The following KAZN variants were observed in gnomAD, a reference collection of about 807,000 sequenced individuals.
KAZN encodes kazrin, periplakin interacting protein, also known as kazrin.
KAZN carries 40 observed loss-of-function variants against 87.4 expected under a neutral mutation model. The ratio of observed to expected loss-of-function variants is 0.46; its 90% confidence interval spans 0.36 to 0.60. The LOEUF (loss-of-function observed/expected upper bound fraction) is 0.60. Among genes scored for constraint, KAZN ranks in the 20% least tolerant of loss-of-function variants. The pLI, the probability that KAZN is intolerant of heterozygous loss-of-function variation, is 0.00. For missense variants in KAZN, 898 were observed against 1,073.9 expected (o/e 0.84, Z 2.29); for synonymous variants, 466 against 458.3 (o/e 1.02, Z -0.22).
chr1:14,643,034 C>T (rs537988978), intron 1 of KAZN, among the ~76,000 whole-genome samples: 120 of 152,322 alleles, frequency 7.9e-4, no homozygotes, highest in Non-Finnish European at 1.3e-4. Context: ...CCCCTGTGTT[C>T]ACACAACAAC....
chr1:14,001,070 C>T lies in KAZN; in HGVS notation c.91+107314C>T, dbSNP rs145612169. On this transcript the variant is annotated intron_variant, in intron 1 of 16. Coordinates refer to the KAZN transcript ENST00000636203. ...GTGCTGGGATTACAGGCGTGAGCCACCACGCCCGGCCGACATGATTTTATA... is the reference window on the plus strand; with the variant it reads ...GTGCTGGGATTACAGGCGTGAGCCATCACGCCCGGCCGACATGATTTTATA... Among the ~76,000 whole-genome samples, 826 of 152,286 alleles carry T rather than the reference C, an allele frequency of 5.4e-3. 9 individuals are homozygous for T. Among genetic ancestry groups the T allele is most frequent in the African/African-American group, 0.019 (792 of 41,560 alleles).
intron 8 of KAZN, among the ~76,000 whole-genome samples, chr1:15,072,933 T>C (rs902776596): frequency 2.0e-5 from 3 of 152,204 alleles, no homozygotes; most frequent in Non-Finnish European, 2.9e-5. Flanking sequence ...GCCAGCTTTT[T>C]AGGATTCAAC....
At chr1:14,158,113 A>C (rs1645635170) in intron 1 of KAZN, among the ~76,000 whole-genome samples, 1 of 152,132 alleles carries the variant, frequency 6.6e-6, no homozygotes, top group African/African-American at 2.4e-5. Context: ...GGTATTCTAT[A>C]ACCTTCTTGT....
intron 2 of KAZN, among the ~76,000 whole-genome samples, chr1:14,982,792 G>C (rs1203675060): frequency 6.6e-6 from 1 of 152,216 alleles, no homozygotes; most frequent in Non-Finnish European, 1.5e-5. Flanking sequence ...GGTGTTGTCA[G>C]GGAAGACCAG....
In KAZN at chr1:15,095,539, G is replaced by C. The variant is rs1184878949; in HGVS notation, c.1547+606G>C. On this transcript the variant is annotated intron_variant, in intron 10 of 14. Coordinates refer to ENST00000376030, the MANE Select transcript of KAZN (RefSeq NM_201628.3). ...CCTCCGGCCTGCCTGCCTCTCTCCTGGCTTTCTGTGAGCAAAATTTGTTGA... is the reference window on the plus strand; with the variant it reads ...CCTCCGGCCTGCCTGCCTCTCTCCTCGCTTTCTGTGAGCAAAATTTGTTGA... Among the ~76,000 whole-genome samples the C allele has an allele frequency of 4.7e-5, 7 of 149,904 alleles. No homozygotes were observed. In the East Asian group the frequency reaches 1.4e-3, roughly 29 times the overall value.
At chr1:14,128,609 G>A (rs1644924862) in intron 1 of KAZN, among the ~76,000 whole-genome samples, 1 of 152,016 alleles carries the variant, frequency 6.6e-6, no homozygotes, top group African/African-American at 2.4e-5. Context: ...CAATCATATT[G>A]GATTAGGGAT....
rs560404887 is a variant in KAZN at position 14,773,796 on chromosome 1, C to T, written c.226+174573C>T. 4.6e-5 allele frequency among the ~76,000 whole-genome samples: 7 copies of T among 152,168 alleles called. No individual in the cohort carries two copies. Among genetic ancestry groups the T allele is most frequent in the South Asian group, 4.1e-4 (2 of 4,828 alleles). ...ATGAACTCAGCCTTCCTGGGAGCTGCGGCAGGTCCCAGCCCAGGCCAGGCC... is the reference window on the plus strand; with the variant it reads ...ATGAACTCAGCCTTCCTGGGAGCTGTGGCAGGTCCCAGCCCAGGCCAGGCC... On this transcript the variant is annotated intron_variant, in intron 1 of 14. Coordinates refer to ENST00000376030, the MANE Select transcript of KAZN (RefSeq NM_201628.3). This position sits in a 1 kb window ranked among gnomAD's most constrained non-coding sequence, Gnocchi z 5.9.
At chr1:15,090,716 T>C (rs1240045044) in intron 8 of KAZN, among the ~76,000 whole-genome samples, 1 of 152,178 alleles carries the variant, frequency 6.6e-6, no homozygotes, top group African/African-American at 2.4e-5. Context: ...AACGTGATAA[T>C]GTTGGCAGTG....
chr1:14,935,617 A>C (rs2101606380), intron 1 of KAZN, among the ~76,000 whole-genome samples: 1 of 152,330 alleles, frequency 6.6e-6, no homozygotes, highest in East Asian at 1.9e-4. Flanking sequence ...GTCTGAAAGC[A>C]GCCACTGAGC....
intron 1 of KAZN, among the ~76,000 whole-genome samples, chr1:14,742,310 G>A (rs997421446): frequency 8.5e-5 from 13 of 152,190 alleles, no homozygotes; most frequent in Admixed American, 7.9e-4. Flanking sequence ...TGATGGCAAG[G>A]ACTCTGCCTA....
intron 8 of KAZN, among the ~76,000 whole-genome samples, chr1:15,082,813 C>T (rs1258182486): frequency 6.6e-6 from 1 of 152,250 alleles, no homozygotes; most frequent in Admixed American, 6.5e-5. Context: ...ATGCCTCAGC[C>T]TCTCAAGTAG....
intron 2 of KAZN, among the ~76,000 whole-genome samples, chr1:14,546,979 G>C (rs1044048253): frequency 3.3e-5 from 5 of 152,164 alleles, no homozygotes; most frequent in Non-Finnish European, 7.4e-5. Context: ...GCTGAGAGAT[G>C]TCGGGAACTC....
intron 1 of KAZN, among the ~76,000 whole-genome samples, chr1:14,728,946 G>A (rs535594236): frequency 2.4e-4 from 36 of 152,314 alleles, no homozygotes; most frequent in African/African-American, 6.3e-4. Context: ...ACAGCAGGCC[G>A]TTTTAGAACC....
chr1:14,338,400 G>A (rs1019682209), intron 2 of KAZN, among the ~76,000 whole-genome samples: 3 of 151,236 alleles, frequency 2.0e-5, no homozygotes, highest in Admixed American at 1.3e-4. Context: ...CAGGAGAATC[G>A]CTGGAACTTG....
intron 1 of KAZN, among the ~76,000 whole-genome samples, chr1:14,817,122 A>G (rs57129795): frequency 0.055 from 8,419 of 152,194 alleles, 815 homozygotes; most frequent in East Asian, 0.48. Context: ...TGCCCCGAGT[A>G]ATGCTAATTA....
At chr1:14,574,994 C>T (rs561449834) in intron 2 of KAZN, among the ~76,000 whole-genome samples, 20 of 151,916 alleles carry the variant, frequency 1.3e-4, no homozygotes, top group Admixed American at 3.9e-4. Flanking sequence ...GGTAGAAAGG[C>T]GCAGGTGTGG....
chr1:14,139,949 G>GGTA (rs111844401), intron 1 of KAZN, among the ~76,000 whole-genome samples: 1 of 149,928 alleles, frequency 6.7e-6, no homozygotes, highest in Non-Finnish European at 1.5e-5. Context: ...GTGTGTGTGT[G>GGTA]TGTGTGTGTG....
intron 2 of KAZN, among the ~76,000 whole-genome samples, chr1:15,000,370 A>G (rs566358196): frequency 6.6e-6 from 1 of 152,036 alleles, no homozygotes; most frequent in South Asian, 2.1e-4. Context: ...CCTTAAAACT[A>G]TAAAATAATA....
intron 1 of KAZN, among the ~76,000 whole-genome samples, chr1:14,151,242 T>C (rs1645468136): frequency 1.3e-5 from 2 of 152,284 alleles, no homozygotes; most frequent in South Asian, 4.1e-4. Flanking sequence ...CAATGTAACA[T>C]AATTTTGATG....
Sources: allele counts gnomAD v4.1 joint callset (sites outside exome capture counted in the v4.1 genomes callset), GRCh38; gene constraint gnomAD v4.1.1; non-coding constraint Gnocchi (gnomAD v3.1); transcripts MANE v1.5; gene names NCBI Gene and HGNC (gene_info 2026-07-23, HGNC 2026-07-21).